The following NEDD4L variants were observed in gnomAD, a reference collection of about 807,000 sequenced individuals.
NEDD4L encodes the protein E3 ubiquitin-protein ligase NEDD4-like.
Under a neutral mutation model 148.9 loss-of-function variants are expected in NEDD4L, and 54 were observed. That is an observed-to-expected ratio of 0.36 (90% CI 0.29 to 0.45). The LOEUF is 0.45. NEDD4L is among the 20% of genes least tolerant of loss of function. The pLI is 1.00. For synonymous variants in NEDD4L, 433 were observed against 440.7 expected, an observed-to-expected ratio of 0.98 and a Z score of 0.22; for missense variants, 856 against 1,233.8, an observed-to-expected ratio of 0.69 and a Z score of 4.59.
At chr18:58,365,342 A>C (rs1043071061) in intron 20 of NEDD4L, among the ~76,000 whole-genome samples, 3 of 152,166 alleles carry the variant, frequency 2.0e-5, no homozygotes. Context: ...CTCACATAGC[A>C]GTGTCTGCTA....
At chr18:58,120,518 G>GCCTGTAAT (rs1463355054) in intron 1 of NEDD4L, among the ~76,000 whole-genome samples, 1 of 152,156 alleles carries the variant, frequency 6.6e-6, no homozygotes, top group African/African-American at 2.4e-5. Flanking sequence ...GGTGGCTCGC[G>GCCTGTAAT]CCTGTAATCC....
At chr18:58,360,364 A>G (rs2045308200) in intron 19 of NEDD4L, among the ~76,000 whole-genome samples, 1 of 152,108 alleles carries the variant, frequency 6.6e-6, no homozygotes, top group South Asian at 2.1e-4. Context: ...TGTCTGCTTT[A>G]TCTCTTAACT....
At chr18:58,380,502 A>G in intron 24 of NEDD4L, among the ~76,000 whole-genome samples, 1 of 151,974 alleles carries the variant, frequency 6.6e-6, no homozygotes, top group Non-Finnish European at 1.5e-5. Context: ...TATTTTTAGT[A>G]GAGATGGGTT....
At chr18:58,349,668 G>C in intron 17 of NEDD4L, 54 bp downstream of exon 17, 2 of 1,382,440 alleles carry the variant, frequency 1.4e-6, no homozygotes, top group South Asian at 2.4e-5. Context: ...TCCTTTATCC[G>C]CTCAATGTTG....
chr18:58,160,937 C>T (rs773988098), intron 1 of NEDD4L, among the ~76,000 whole-genome samples: 45 of 152,302 alleles, frequency 3.0e-4, no homozygotes, highest in Middle Eastern at 6.8e-3. Flanking sequence ...CATAAGAGAA[C>T]CCCTTCACGT....
chr18:58,181,869 A>G (rs2038900441), intron 2 of NEDD4L, among the ~76,000 whole-genome samples: 1 of 152,204 alleles, frequency 6.6e-6, no homozygotes, highest in South Asian at 2.1e-4. Context: ...TTAGTATTTC[A>G]AAAAGTTAAT....
intron 5 of NEDD4L, among the ~76,000 whole-genome samples, chr18:58,288,673 C>G (rs1247207645): frequency 3.3e-5 from 5 of 152,158 alleles, no homozygotes; most frequent in Admixed American, 2.0e-4. Context: ...CCAAATGTGT[C>G]TCAATAGTGC....
intron 2 of NEDD4L, among the ~76,000 whole-genome samples, chr18:58,185,974 A>T (rs2039424998): frequency 6.6e-6 from 1 of 152,238 alleles, no homozygotes; most frequent in African/African-American, 2.4e-5. Flanking sequence ...CATGCAGCAG[A>T]TACATATGCA....
At chr18:58,114,193 T>A (rs925580989) in intron 1 of NEDD4L, among the ~76,000 whole-genome samples, 2 of 152,206 alleles carry the variant, frequency 1.3e-5, no homozygotes, top group Non-Finnish European at 2.9e-5. Flanking sequence ...TCAACTAAAT[T>A]AGAAAACGTG....
At chr18:58,051,290 C>T (rs1174622237) in intron 1 of NEDD4L, among the ~76,000 whole-genome samples, 1 of 152,090 alleles carries the variant, frequency 6.6e-6, no homozygotes, top group Admixed American at 6.6e-5. Flanking sequence ...AAGATCACCC[C>T]AAAGAAGAAC....
intron 2 of NEDD4L, among the ~76,000 whole-genome samples, chr18:58,180,461 G>A (rs571600881): frequency 1.9e-4 from 29 of 152,212 alleles, no homozygotes; most frequent in African/African-American, 3.6e-4. Flanking sequence ...GTCCCACATC[G>A]GCCCAGGGGC....
chr18:58,394,352 T>G (rs1353469554), intron 30 of NEDD4L, among the ~76,000 whole-genome samples: 1 of 152,254 alleles, frequency 6.6e-6, no homozygotes, highest in East Asian at 1.9e-4. Flanking sequence ...CATCCCGTCT[T>G]TGCCTCTCTC....
At chr18:58,297,743 C>G (rs556045244) in intron 5 of NEDD4L, among the ~76,000 whole-genome samples, 3 of 152,128 alleles carry the variant, frequency 2.0e-5, no homozygotes, top group Non-Finnish European at 2.9e-5. Flanking sequence ...GGGCCCTAAA[C>G]GCAGTCACAA....
chr18:58,092,773 A>G (rs908630208), intron 1 of NEDD4L, among the ~76,000 whole-genome samples: 1 of 151,726 alleles, frequency 6.6e-6, no homozygotes, highest in Non-Finnish European at 1.5e-5. Flanking sequence ...GTTTATGTGG[A>G]ATTTAAGATT....
In NEDD4L at chr18:58,370,481, C is replaced by G. The variant is rs755269824; in HGVS notation, c.2256+14C>G. 1 of 1,550,726 alleles carries G rather than the reference C, an allele frequency of 6.4e-7. No homozygotes were observed. ...ATGGAATCTGTGGTAAGTAAATGCA[C>G]GTCACACACTGGCCATCACCGGGCA... is the stretch of plus-strand genomic sequence containing the variant. On this transcript the variant is annotated intron_variant, in intron 23 of 30. Coordinates refer to ENST00000400345, the MANE Select transcript of NEDD4L (RefSeq NM_001144967.3).
At chr18:58,055,584 C>T (rs906918882) in intron 1 of NEDD4L, among the ~76,000 whole-genome samples, 58 of 152,082 alleles carry the variant, frequency 3.8e-4, no homozygotes, top group African/African-American at 1.4e-3. Context: ...TAGGGTCTGC[C>T]TTGTGTTTTG....
chr18:58,255,378 G>C (rs576150200), intron 5 of NEDD4L: 2 of 503,208 alleles, frequency 4.0e-6, no homozygotes. Flanking sequence ...GGCATTGGAG[G>C]GGGAGAGCGC....
At chr18:58,288,249 G>A (rs781638971) in intron 5 of NEDD4L, among the ~76,000 whole-genome samples, 3 of 152,296 alleles carry the variant, frequency 2.0e-5, no homozygotes, top group South Asian at 2.1e-4. Context: ...GCTGAAAGCC[G>A]GATTCTCTGT....
chr18:58,343,687 A>G (rs545180104), intron 16 of NEDD4L, among the ~76,000 whole-genome samples: 20 of 151,964 alleles, frequency 1.3e-4, no homozygotes, highest in African/African-American at 4.1e-4. Context: ...TTACCATGCA[A>G]CTCTTTCATG....
Sources: gnomAD v4.1 joint callset for allele counts (sites outside exome capture counted in the v4.1 genomes callset) on GRCh38, gnomAD v4.1.1 for gene constraint, MANE v1.5 for transcripts, NCBI Gene and HGNC (gene_info 2026-07-23, HGNC 2026-07-21) for gene names.